NEK9: variants seen among roughly 807,000 people sequenced by gnomAD.
The protein encoded by NEK9 is NIMA related kinase 9.
NEK9 carries 75 observed loss-of-function variants against 123.4 expected under a neutral mutation model. The ratio of observed to expected loss-of-function variants is 0.61; its 90% CI spans 0.50 to 0.74. The LOEUF is 0.74. Among genes scored for constraint, NEK9 ranks in the 30% least tolerant of loss-of-function variants. The pLI, the probability that NEK9 is intolerant of heterozygous loss-of-function variation, is 0.00. For missense variants in NEK9, 952 were observed against 1,214.4 expected, an observed-to-expected ratio of 0.78 and a Z score of 3.21; for synonymous variants, 438 against 458.7, an observed-to-expected ratio of 0.95 and a Z score of 0.58.
intron 9 of NEK9, 96 bp downstream of exon 9, chr14:75,110,225 A>G: frequency 1.1e-6 from 1 of 926,658 alleles, no homozygotes; most frequent in East Asian, 2.4e-5. Context: ...AAAGGATGCC[A>G]AAGTATCCTC....
intron 2 of NEK9, among the ~76,000 whole-genome samples, chr14:75,121,619 T>A (rs575666662): frequency 1.6e-4 from 25 of 152,158 alleles, no homozygotes; most frequent in Non-Finnish European, 3.5e-4. Context: ...GAGGCTGAGG[T>A]GGGCAAATCA....
In NEK9 at chr14:75,081,377, TC is replaced by T. The variant is rs1331005380; in HGVS notation, c.*3186del. The T allele has an allele frequency of 2.0e-5, 3 of 152,258 alleles. No individual in the cohort carries two copies. The highest frequency in any genetic ancestry group is 7.2e-5 in the African/African-American group (3 of 41,462). 9.4% of individuals were successfully genotyped at this position (152,258 alleles called of 1,614,324 possible). A position where few individuals can be genotyped will look rare whatever the true frequency, so the allele number is the denominator to read the frequency against. ...CAGAGATGTGACATAGTGGAGTTTT[TC>T]TCCCTAATGTTCATCATTCTGTGAG... On this transcript the variant is annotated 3_prime_UTR_variant, in exon 22 of 22. Transcript: ENST00000238616. This position sits in a 1 kb window ranked among gnomAD's most constrained non-coding sequence, Gnocchi z 4.2.
Position 75,109,852 on chromosome 14 carries a change from T to C in NEK9, c.1015A>G (p.Ile339Val). ...CTGGTTCGTGATGTTACTACAGCAA[T>C]GGGTGCTTCAGTCACAGTGCTTGAC... ...PRSSTVTEAP[I>V]AVVTSRTSEV... The change falls in exon 10 of 22, where the codon ATT becomes GTT. Residue 339 changes from isoleucine (I) to valine (V), a missense_variant. By Grantham distance (29) the Ile-to-Val change is conservative. Around this residue, in one of 4 missense-constraint regions of NEK9, gnomAD observed 698 missense variants for 875.6 expected, o/e 0.80. Coordinates refer to ENST00000238616, the MANE Select transcript of NEK9 (RefSeq NM_033116.6). The C allele has an allele frequency of 6.2e-7, 1 of 1,613,168 alleles. No individual in the cohort carries two copies. Among genetic ancestry groups the C allele is most frequent in the Non-Finnish European group, 8.5e-7 (1 of 1,179,662 alleles).
At chr14:75,108,060 A>G (rs1894835560) in intron 10 of NEK9, among the ~76,000 whole-genome samples, 1 of 152,158 alleles carries the variant, frequency 6.6e-6, no homozygotes, top group Non-Finnish European at 1.5e-5. Flanking sequence ...AAGAGTTATA[A>G]AGAATCTGGC....
chr14:75,103,056 G>A (rs540114947), intron 14 of NEK9, among the ~76,000 whole-genome samples: 170 of 152,180 alleles, frequency 1.1e-3, no homozygotes, highest in African/African-American at 3.8e-3. Flanking sequence ...GGTGGGGGAA[G>A]GGGGGAGGGA....
chr14:75,109,740 G>A lies in NEK9; in HGVS notation c.1127C>T (p.Ala376Val). 3 of 1,614,124 alleles carry A rather than the reference G, an allele frequency of 1.9e-6. No individual in the cohort carries two copies. The highest frequency in any genetic ancestry group is 1.7e-6 in the Non-Finnish European group (2 of 1,180,008). Residue 376 changes from alanine to valine, a missense_variant, in exon 10 of 22, where the codon GCA becomes GTA. Transcript: ENST00000238616. Reference sequence around the variant, plus strand: ...GACCACAGCAAAGTGGGTATTCCCTGCACAGACCTGCCGGGCACTACAGCC... The same window carrying A: ...GACCACAGCAAAGTGGGTATTCCCTACACAGACCTGCCGGGCACTACAGCC... ...KSGCSARQVC[A>V]GNTHFAVVTV...
Position 75,083,498 on chromosome 14 carries a change from A to G in NEK9, c.*1066T>C, listed in dbSNP as rs1893925876. The G allele has an allele frequency of 6.1e-6, 1 of 163,608 alleles. No homozygotes were observed. The highest frequency in any genetic ancestry group is 2.4e-5 in the African/African-American group (1 of 41,978). The allele number at this position is 163,608 out of a possible 1,614,324, so 10.1% of individuals were successfully genotyped here. A position where few individuals can be genotyped will look rare whatever the true frequency, so the allele number is the denominator to read the frequency against. On this transcript the variant is annotated 3_prime_UTR_variant, in exon 22 of 22. Coordinates refer to ENST00000238616, the MANE Select transcript of NEK9 (RefSeq NM_033116.6). Reference sequence around the variant, plus strand: ...CTGGCTTTGGGCCACTCAGGTAGGAAAAATGATACAGATTCATTCGTTACC... The same window carrying G: ...CTGGCTTTGGGCCACTCAGGTAGGAGAAATGATACAGATTCATTCGTTACC...
chr14:75,085,044 T>G, intron 21 of NEK9: 1 of 230,458 alleles, frequency 4.3e-6, no homozygotes, highest in Non-Finnish European at 8.9e-6. Context: ...CTTGCTCTGT[T>G]GCTTACGCCG....
At position 75,107,498 on chromosome 14, in the gene NEK9, A is replaced by G; in HGVS notation, c.1183-11T>C. ...GCCTCCTTGCATGTTCTGTGAAATA[A>G]AGAGGTCTTATGACTTTTTTTTTTA... On this transcript the variant is annotated splice_polypyrimidine_tract_variant and intron_variant, in intron 10 of 21. Transcript: ENST00000238616. The G allele has an allele frequency of 6.3e-7, 1 of 1,579,454 alleles. No homozygotes were observed. The highest frequency in any genetic ancestry group is 8.6e-7 in the Non-Finnish European group (1 of 1,168,716).
chr14:75,109,376 T>C (rs2139774492), intron 10 of NEK9, among the ~76,000 whole-genome samples: 1 of 152,344 alleles, frequency 6.6e-6, no homozygotes, highest in South Asian at 2.1e-4. Context: ...AACAGAGTAA[T>C]TGAGTGACTT....
In NEK9 at chr14:75,101,655, A is replaced by G. The variant is rs146787666; in HGVS notation, c.1840+2T>C. On this transcript the variant is annotated splice_donor_variant, in intron 15 of 21. Coordinates refer to ENST00000238616, the MANE Select transcript of NEK9 (RefSeq NM_033116.6). LOFTEE classifies it high-confidence loss of function. ...ATGTGATACAGTTGTAAATCAACTT[A>G]CCATCAATAGCAGCTGTGTGAGTCT... is the stretch of plus-strand genomic sequence containing the variant. 8.3e-4 allele frequency: 1,330 copies of G among 1,600,010 alleles called. 3 individuals are homozygous for G. Among genetic ancestry groups the G allele is most frequent in the Non-Finnish European group, 1.1e-3 (1,285 of 1,167,390 alleles).
At chr14:75,086,212 AAAAATAAAAAT>A (rs1031147012) in intron 21 of NEK9, among the ~76,000 whole-genome samples, 4 of 151,446 alleles carry the variant, frequency 2.6e-5, no homozygotes, top group African/African-American at 7.3e-5. Flanking sequence ...AAATAAAAAT[AAAAATAAAAAT>A]AAAATAATTT....
Position 75,102,553 on chromosome 14 carries a change from C to T in NEK9, c.1732-788G>A, listed in dbSNP as rs866283442. ...ATTTTTAGTGGAGACAGGGTTTCAC[C>T]GTGTTAGCCAGGATGGTCTTGATCT... On this transcript the variant is annotated intron_variant, in intron 14 of 21. Coordinates refer to ENST00000238616, the MANE Select transcript of NEK9 (RefSeq NM_033116.6). Among the ~76,000 whole-genome samples, 17 of 151,934 alleles carry T rather than the reference C, an allele frequency of 1.1e-4. No individual in the cohort carries two copies. The South Asian group carries it at 1.3e-3, about 11-fold the overall frequency.
At position 75,116,500 on chromosome 14, in the gene NEK9, A is replaced by G. The variant is rs116320468; in HGVS notation, c.762+695T>C. 1.9e-3 allele frequency: 668 copies of G among 359,994 alleles called. 5 individuals are homozygous for G. Among genetic ancestry groups the G allele is most frequent in the African/African-American group, 0.014 (626 of 45,770 alleles). 22.3% of individuals were successfully genotyped at this position (359,994 alleles called of 1,614,324 possible). On this transcript the variant is annotated intron_variant, in intron 6 of 21. Coordinates refer to ENST00000238616, the MANE Select transcript of NEK9 (RefSeq NM_033116.6). The stretch of plus-strand genomic sequence containing the variant: ...GATTTGCATTCTTTTACACGTTTCT[A>G]GGAAAGTGATGCAGTAGCTGCATGA...
chr14:75,118,680 T>C (rs1261294852), intron 5 of NEK9, 150 bp downstream of exon 5: 11 of 599,338 alleles, frequency 1.8e-5, no homozygotes, highest in Middle Eastern at 4.4e-4. Flanking sequence ...TGCCTGCTAG[T>C]GGGCCCAGGA....
rs920625749 is a variant in NEK9 at position 75,101,138 on chromosome 14, A to G, written c.1856T>C (p.Leu619Pro). Residue 619 changes from leucine (L) to proline (P), a missense_variant, in exon 16 of 22, where the codon CTG becomes CCG. Physicochemically the swap from Leu to Pro is moderately conservative, Grantham distance 98 (BLOSUM62 -3). Transcript: ENST00000238616. ...CCCACACTTGTTGCAGCCAAAGGTC[A>G]GCAGCCGGCCTCGCTCTGAGAGAGA... ...TAAIDERGRL[L>P]TFGCNKCGQL... 1 of 1,614,078 alleles carries G rather than the reference A, an allele frequency of 6.2e-7. No homozygotes were observed. The highest frequency in any genetic ancestry group is 1.3e-5 in the African/African-American group (1 of 74,952).
intron 21 of NEK9, chr14:75,085,070 A>G: frequency 5.1e-6 from 1 of 196,392 alleles, no homozygotes; most frequent in Non-Finnish European, 1.1e-5. Context: ...CAGTGGTGTG[A>G]TCACGGATCA....
chr14:75,083,219 A>C lies in NEK9; in HGVS notation c.*1345T>G, dbSNP rs1007942169. The C allele has an allele frequency of 3.8e-5, 15 of 397,730 alleles. No homozygotes were observed. The highest frequency in any genetic ancestry group is 6.6e-5 in the Non-Finnish European group (15 of 225,944). 24.6% of individuals were successfully genotyped at this position (397,730 alleles called of 1,614,324 possible). On this transcript the variant is annotated 3_prime_UTR_variant, in exon 22 of 22. Transcript: ENST00000238616. ...CATCAAAGGTAGGATGTGTGACACA[A>C]AATACCACAGGAACATTTTACAAGG...
Position 75,118,842 on chromosome 14 carries a change from G to T in NEK9, c.618C>A (p.Ser206=). 6.3e-7 allele frequency: 1 copy of T among 1,593,404 alleles called. No individual in the cohort carries two copies. The highest frequency in any genetic ancestry group is 8.6e-7 in the Non-Finnish European group (1 of 1,161,402). ...GLAKKLNSEY[S]MAETLVGTPY... is the part of the protein sequence containing the mutation. ...GGGCAACACATACCGTCTCAGCCAT[G>T]GAATACTCAGAATTAAGTTTCTTTG... Residue 206 remains serine (S), a synonymous_variant, in exon 5 of 22, where the codon TCC becomes TCA. Coordinates refer to ENST00000238616, the MANE Select transcript of NEK9 (RefSeq NM_033116.6).
Sources: gnomAD v4.1 joint callset for allele counts (sites outside exome capture counted in the v4.1 genomes callset) on GRCh38, gnomAD v4.1.1 for gene constraint, gnomAD v4.1.1 regional missense constraint, Gnocchi (gnomAD v3.1) non-coding constraint, MANE v1.5 for transcripts, NCBI Gene and HGNC (gene_info 2026-07-23, HGNC 2026-07-21) for gene names.